LPA: variants seen among roughly 807,000 people sequenced by gnomAD.
LPA encodes apolipoprotein(a).
A neutral mutation model predicts 197.9 loss-of-function variants in LPA; 199 were observed. The observed-to-expected ratio is 1.01, with a 90% CI of 0.90 to 1.13. LPA has a LOEUF of 1.13. Ranked by LOEUF, LPA falls within the 50% of genes most tolerant of loss-of-function variation. The probability of loss-of-function intolerance (pLI) is 0.00; values close to 1 mark genes in which losing one functional copy is unlikely to be tolerated. For missense variants in LPA, 1,853 were observed against 1,785.8 expected, an observed-to-expected ratio of 1.04 and a Z score of -0.68; for synonymous variants, 715 against 639.5, an observed-to-expected ratio of 1.12 and a Z score of -1.78.
intron 1 of LPA, among the ~76,000 whole-genome samples, chr6:160,653,998 ATATATAATATAT>A (rs1780064558): frequency 7.0e-5 from 1 of 14,378 alleles, no homozygotes; most frequent in Non-Finnish European, 1.1e-4. Flanking sequence ...AATATATATT[ATATATAATATAT>A]ATTATATATA....
Position 160,562,360 on chromosome 6 carries a change from T to C in LPA, c.4632-4789A>G, listed in dbSNP as rs1197349444. 2.6e-5 allele frequency among the ~76,000 whole-genome samples: 4 copies of C among 152,358 alleles called. No individual in the cohort carries two copies. The South Asian group carries it at 6.2e-4, about 24-fold the overall frequency. On this transcript the variant is annotated intron_variant, in intron 28 of 38. Coordinates refer to ENST00000316300, the MANE Select transcript of LPA (RefSeq NM_005577.4). The stretch of plus-strand genomic sequence containing the variant: ...TTTGTCATTGGTTCTGTTTATGTGA[T>C]GGATTATGTTTATTGATTTGAATAT...
At chr6:160,567,837 C>A (rs1335395551) in intron 28 of LPA, among the ~76,000 whole-genome samples, 1 of 152,156 alleles carries the variant, frequency 6.6e-6, no homozygotes, top group Non-Finnish European at 1.5e-5. Context: ...CACAGAAATA[C>A]AAACTACCAT....
intron 1 of LPA, among the ~76,000 whole-genome samples, chr6:160,659,702 C>T (rs1298932154): frequency 6.6e-6 from 1 of 152,142 alleles, no homozygotes; most frequent in Non-Finnish European, 1.5e-5. Context: ...CCAACACTGA[C>T]TAAAATGTTC....
At chr6:160,542,947 G>C in intron 33 of LPA, 139 bp from the exon 34 acceptor site, 2 of 1,213,728 alleles carry the variant, frequency 1.6e-6, no homozygotes, top group South Asian at 2.6e-5. Context: ...ACACTCTTTA[G>C]ATTTTTCTTT....
chr6:160,542,942 CT>C, intron 33 of LPA, 134 bp from the exon 34 acceptor site: 1 of 1,244,328 alleles, frequency 8.0e-7, no homozygotes, highest in Non-Finnish European at 1.2e-6. Context: ...CATAAACACT[CT>C]TTAGATTTTT....
chr6:160,536,528 T>C (rs562674665), intron 37 of LPA, among the ~76,000 whole-genome samples: 13 of 152,322 alleles, frequency 8.5e-5, no homozygotes, highest in Middle Eastern at 3.4e-3. Context: ...TTCTAAGTCC[T>C]GACAGCCCAT....
At position 160,532,646 on chromosome 6, in the gene LPA, G is replaced by T. The variant is rs749352395; in HGVS notation, c.5846C>A (p.Thr1949Asn). ...TTCCTTGAGAAGGCCAGTCCCAAAG[G>T]TACCTGTGTTTAAAAAGATGAAAGA... The part of the protein sequence containing the change: ...YITGWGETQG[T>N]FGTGLLKEAQ... Residue 1949 changes from threonine (T) to asparagine (N), a missense_variant, in exon 38 of 39, where the codon ACC becomes AAC. Transcript: ENST00000316300. 4 of 1,587,238 alleles carry T rather than the reference G, an allele frequency of 2.5e-6. No homozygotes were observed. The highest frequency in any genetic ancestry group is 3.5e-6 in the Non-Finnish European group (4 of 1,156,250).
At chr6:160,566,641 AT>A (rs1778459980) in intron 28 of LPA, among the ~76,000 whole-genome samples, 1 of 152,232 alleles carries the variant, frequency 6.6e-6, no homozygotes, top group Admixed American at 6.5e-5. Flanking sequence ...ACACATAAAA[AT>A]ATTAACCTTA....
chr6:160,581,588 C>A (rs559146841), intron 26 of LPA, among the ~76,000 whole-genome samples: 1 of 152,298 alleles, frequency 6.6e-6, no homozygotes, highest in South Asian at 2.1e-4. Context: ...AGCCAAGCGT[C>A]CCAGCCAATA....
Position 160,577,189 on chromosome 6 carries a change from C to T in LPA, c.4578G>A (p.Trp1526Ter). 1 of 1,613,850 alleles carries T rather than the reference C, an allele frequency of 6.2e-7. No homozygotes were observed. Among genetic ancestry groups the T allele is most frequent in the Non-Finnish European group, 8.5e-7 (1 of 1,179,862 alleles). The change falls in exon 28 of 39, where the codon TGG becomes TGA. Residue 1526 changes from tryptophan (W) to a stop codon, truncating the protein, a stop_gained. Coordinates refer to ENST00000316300, the MANE Select transcript of LPA (RefSeq NM_005577.4). LOFTEE classifies it high-confidence loss of function. ...GATGCCAGTGTGGTATCATAGATGA[C>T]CAAGATTGACAGGTCCTTCCTGTGA... Reference protein sequence around the residue: ...TTVTGRTCQSWSSMIPHWHQR... With the variant: ...TTVTGRTCQS
At chr6:160,596,845 C>T (rs1344272919) in intron 20 of LPA, among the ~76,000 whole-genome samples, 1 of 152,184 alleles carries the variant, frequency 6.6e-6, no homozygotes, top group Admixed American at 6.5e-5. Flanking sequence ...AGCCTAAAGA[C>T]ATTCACTGCA....
At chr6:160,596,081 G>A (rs886205179) in intron 20 of LPA, among the ~76,000 whole-genome samples, 1 of 152,156 alleles carries the variant, frequency 6.6e-6, no homozygotes, top group Non-Finnish European at 1.5e-5. Context: ...GTCTTCCTCA[G>A]GAATTGGCCC....
intron 33 of LPA, among the ~76,000 whole-genome samples, chr6:160,544,586 A>G (rs41265924): frequency 0.027 from 4,184 of 152,236 alleles, 96 homozygotes; most frequent in Non-Finnish European, 0.038. Context: ...CAATCTCAGG[A>G]TGCTGGTCTT....
At position 160,548,709 on chromosome 6, in the gene LPA, G is replaced by C; in HGVS notation, c.4974-50C>G. ...TTACAGGAGGCGGAAGAATATTCAG[G>C]GACATCCAGCACCCTCTACATTTTG... On this transcript the variant is annotated intron_variant, in intron 30 of 38. Coordinates refer to ENST00000316300, the MANE Select transcript of LPA (RefSeq NM_005577.4). 2.5e-6 allele frequency: 4 copies of C among 1,581,250 alleles called. No individual in the cohort carries two copies. The East Asian group carries it at 9.0e-5, about 35-fold the overall frequency.
intron 27 of LPA, 42 bp from the exon 28 acceptor site, chr6:160,577,337 A>T (rs1254943277): frequency 1.3e-6 from 2 of 1,590,334 alleles, no homozygotes; most frequent in Middle Eastern, 1.7e-4. Context: ...TAATTGCATG[A>T]GCAGAGAAAC....
At chr6:160,567,342 A>G (rs1478093688) in intron 28 of LPA, among the ~76,000 whole-genome samples, 1 of 152,246 alleles carries the variant, frequency 6.6e-6, no homozygotes, top group Non-Finnish European at 1.5e-5. Context: ...TAAGAAACTC[A>G]TTAAAAACTG....
intron 16 of LPA, among the ~76,000 whole-genome samples, chr6:160,607,305 G>T (rs1205105367): frequency 1.3e-5 from 2 of 152,094 alleles, no homozygotes; most frequent in African/African-American, 2.4e-5. Flanking sequence ...TCTCAAAGCT[G>T]CCCTGGAAAA....
At chr6:160,596,259 C>T (rs1779129940) in intron 20 of LPA, among the ~76,000 whole-genome samples, 1 of 152,280 alleles carries the variant, frequency 6.6e-6, no homozygotes, top group South Asian at 2.1e-4. Context: ...AGACTGTGTT[C>T]AATCATATGG....
intron 20 of LPA, 105 bp downstream of exon 20, chr6:160,599,395 C>T: frequency 1.3e-6 from 2 of 1,510,628 alleles, no homozygotes; most frequent in Non-Finnish European, 1.8e-6. Flanking sequence ...TGTTCCTCTG[C>T]ATCTGAGCCA....
Sources: gnomAD v4.1 joint callset for allele counts (sites outside exome capture counted in the v4.1 genomes callset) on GRCh38, gnomAD v4.1.1 for gene constraint, MANE v1.5 for transcripts, NCBI Gene and HGNC (gene_info 2026-07-23, HGNC 2026-07-21) for gene names.